KLF8: variants seen among roughly 807,000 people sequenced by gnomAD.
KLF8 encodes the protein KLF transcription factor 8.
In KLF8, 10 loss-of-function variants were observed where a neutral mutation model predicts 18.2. The observed-to-expected ratio is 0.55, with a 90% CI of 0.34 to 0.93. The LOEUF (loss-of-function observed/expected upper bound fraction) is 0.93, where lower values mean the gene tolerates loss of function less well. KLF8 is among the 40% of genes least tolerant of loss of function. The pLI is 0.02. For missense variants in KLF8, 264 were observed against 277.9 expected, an observed-to-expected ratio of 0.95 and a Z score of 0.36; for synonymous variants, 109 against 97.3, an observed-to-expected ratio of 1.12 and a Z score of -0.71.
chrX:56,196,804 GCAC>G, the KLF8 span, among the ~76,000 whole-genome samples: 1 of 111,692 alleles, frequency 9.0e-6, no homozygotes, highest in Non-Finnish European at 1.9e-5. Flanking sequence ...ATTCTTCTCA[GCAC>G]CACATCTCAT....
chrX:56,198,167 G>C, the KLF8 span, among the ~76,000 whole-genome samples: 481 of 112,006 alleles, frequency 4.3e-3, 3 homozygotes, highest in African/African-American at 0.014. Flanking sequence ...CATTCCCTTT[G>C]AAAACTGGCA....
the KLF8 span, among the ~76,000 whole-genome samples, chrX:56,062,001 T>TTTTTTTTTC: frequency 9.8e-6 from 1 of 101,542 alleles, no homozygotes; most frequent in African/African-American, 4.0e-5. Context: ...TTTTTTTTTT[T>TTTTTTTTTC]TTTTCTTTTT....
the KLF8 span, among the ~76,000 whole-genome samples, chrX:56,025,612 G>A: frequency 2.7e-5 from 3 of 111,718 alleles, no homozygotes; most frequent in Non-Finnish European, 5.6e-5. Context: ...ATTAATAGTG[G>A]CACAAGTGTC....
chrX:55,965,194 G>C, the KLF8 span, among the ~76,000 whole-genome samples: 1 of 112,118 alleles, frequency 8.9e-6, no homozygotes, highest in Admixed American at 9.4e-5. Context: ...GGTCTACCAT[G>C]ATCAGGTAGG....
chrX:56,157,589 G>A, the KLF8 span, among the ~76,000 whole-genome samples: 2 of 111,023 alleles, frequency 1.8e-5, no homozygotes, highest in African/African-American at 3.3e-5. Flanking sequence ...ATTGTAACTG[G>A]TGTGAGATGG....
the KLF8 span, among the ~76,000 whole-genome samples, chrX:56,146,018 T>A: frequency 8.9e-6 from 1 of 112,278 alleles, no homozygotes; most frequent in Non-Finnish European, 1.9e-5. Flanking sequence ...TGAGATACCA[T>A]CTTATGCCAG....
At chrX:56,078,821 C>T in the KLF8 span, among the ~76,000 whole-genome samples, 2 of 110,931 alleles carry the variant, frequency 1.8e-5, no homozygotes, top group Non-Finnish European at 3.8e-5. Flanking sequence ...AGTTTCAGAG[C>T]CTGTTATTGG....
the KLF8 span, among the ~76,000 whole-genome samples, chrX:56,046,899 C>T: frequency 9.0e-6 from 1 of 111,403 alleles, no homozygotes; most frequent in Non-Finnish European, 1.9e-5. Context: ...TTTTATTTGG[C>T]TGTCTAGATC....
At chrX:56,047,255 TA>T in the KLF8 span, among the ~76,000 whole-genome samples, 1 of 110,598 alleles carries the variant, frequency 9.0e-6, no homozygotes, top group Non-Finnish European at 1.9e-5. Context: ...CTTTTTTGTT[TA>T]TTTTTTTCGT....
the KLF8 span, among the ~76,000 whole-genome samples, chrX:56,055,619 G>A: frequency 1.8e-5 from 2 of 112,071 alleles, no homozygotes; most frequent in African/African-American, 3.2e-5. Flanking sequence ...TCTCTAGCTA[G>A]GTTGAAGAAG....
chrX:56,188,625 C>G, the KLF8 span, among the ~76,000 whole-genome samples: 2 of 111,971 alleles, frequency 1.8e-5, no homozygotes, highest in Non-Finnish European at 3.8e-5. Flanking sequence ...AACTATACTA[C>G]AATGCTACAG....
At chrX:55,913,336 C>A in the KLF8 span, among the ~76,000 whole-genome samples, 2 of 111,289 alleles carry the variant, frequency 1.8e-5, no homozygotes, top group African/African-American at 6.5e-5. Flanking sequence ...AGTCTTAATT[C>A]CTAGTTTTTC....
At chrX:55,961,213 C>T in the KLF8 span, 1 of 289,630 alleles carries the variant, frequency 3.5e-6, no homozygotes, top group South Asian at 3.8e-5. Flanking sequence ...CCAGCGTGGC[C>T]CTGCTGCACT....
chrX:55,942,638 G>T, the KLF8 span, among the ~76,000 whole-genome samples: 3 of 111,834 alleles, frequency 2.7e-5, no homozygotes, highest in Non-Finnish European at 3.8e-5. Flanking sequence ...CGACTAGAAC[G>T]TATATGTAAT....
At chrX:56,053,895 C>T in the KLF8 span, among the ~76,000 whole-genome samples, 1 of 110,143 alleles carries the variant, frequency 9.1e-6, no homozygotes, top group East Asian at 2.8e-4. Context: ...ATCTTCTCTC[C>T]CTATTTCTTC....
the KLF8 span, among the ~76,000 whole-genome samples, chrX:55,980,328 A>G: frequency 8.9e-6 from 1 of 112,227 alleles, no homozygotes; most frequent in South Asian, 3.8e-4. Context: ...CTCAGGTCAG[A>G]CATCAACTTC....
the KLF8 span, among the ~76,000 whole-genome samples, chrX:55,946,391 T>C: frequency 2.7e-5 from 3 of 111,699 alleles, no homozygotes; most frequent in Admixed American, 1.9e-4. Flanking sequence ...GGGGAAAGGA[T>C]TCCCTATTTA....
At chrX:56,051,223 A>G in the KLF8 span, among the ~76,000 whole-genome samples, 4 of 111,343 alleles carry the variant, frequency 3.6e-5, no homozygotes, top group South Asian at 3.8e-4. Flanking sequence ...TCTTTATCCA[A>G]TTTGCCAGTC....
At chrX:56,163,864 C>T in the KLF8 span, among the ~76,000 whole-genome samples, 1 of 112,016 alleles carries the variant, frequency 8.9e-6, no homozygotes, top group African/African-American at 3.2e-5. Context: ...AAATTATTTA[C>T]CCATTGCCTG....
Sources: allele counts gnomAD v4.1 joint callset (sites outside exome capture counted in the v4.1 genomes callset), GRCh38; gene constraint gnomAD v4.1.1; transcripts MANE v1.5; gene names NCBI Gene and HGNC (gene_info 2026-07-23, HGNC 2026-07-21).